Variants in CRHR2 observed in about 807,000 individuals in gnomAD.
The protein encoded by CRHR2 is corticotropin releasing hormone receptor 2.
Under a neutral mutation model 57.9 loss-of-function variants are expected in CRHR2, and 53 were observed. The observed-to-expected ratio is 0.92, with a 90% confidence interval of 0.73 to 1.15. CRHR2 has a LOEUF of 1.15. Ranked by LOEUF, CRHR2 falls within the 50% of genes most tolerant of loss-of-function variation. The pLI is 0.00. For missense variants in CRHR2, 532 were observed against 542.6 expected, an observed-to-expected ratio of 0.98 and a Z score of 0.19; for synonymous variants, 213 against 220.9, an observed-to-expected ratio of 0.96 and a Z score of 0.32.
chr7:30,669,272 T>C (rs1000313121), intron 2 of CRHR2, among the ~76,000 whole-genome samples: 4 of 152,054 alleles, frequency 2.6e-5, no homozygotes, highest in African/African-American at 9.7e-5. Flanking sequence ...ACTCTATAGC[T>C]CTCTCTCTCC....
In CRHR2 at chr7:30,665,405, C is replaced by T. The variant is rs571654115; in HGVS notation, c.425+125G>A. ...CATGCCCTGGCACCCCACCCAAACC[C>T]CACTTTCTCCACGGGCCCTTTTATC... On this transcript the variant is annotated intron_variant, in intron 4 of 11. Coordinates refer to ENST00000471646, the MANE Select transcript of CRHR2 (RefSeq NM_001883.5). This position sits in a 1 kb window ranked among gnomAD's most constrained non-coding sequence, Gnocchi z 4.5. The T allele has an allele frequency of 1.3e-5, 12 of 937,392 alleles. No individual in the cohort carries two copies. The East Asian group carries it at 3.2e-4, about 25-fold the overall frequency. The allele number at this position is 937,392 out of a possible 1,614,324, so 58.1% of individuals were successfully genotyped here.
chr7:30,686,290 C>A, upstream of CRHR2: 1 of 1,370,060 alleles, frequency 7.3e-7, no homozygotes, highest in Non-Finnish European at 9.4e-7. Flanking sequence ...CCCATGCCTC[C>A]CCAAGGGCAG....
rs949159774 is a variant in CRHR2, at chr7:30,682,301, G to T, written c.-21C>A. 2 of 1,545,380 alleles carry T rather than the reference G, an allele frequency of 1.3e-6. No homozygotes were observed. Among genetic ancestry groups the T allele is most frequent in the East Asian group, 2.5e-5 (1 of 39,600 alleles). Reference sequence around the variant, plus strand: ...TCCATCGCGTCCCGCAGCCGCGTGCGGAGAGGGAGTGGGAGTGCGCGCCCG... The same window carrying T: ...TCCATCGCGTCCCGCAGCCGCGTGCTGAGAGGGAGTGGGAGTGCGCGCCCG... On this transcript the variant is annotated 5_prime_UTR_variant, in exon 1 of 12. Coordinates refer to ENST00000471646, the MANE Select transcript of CRHR2 (RefSeq NM_001883.5).
chr7:30,658,017 G>A (rs1783855636), intron 8 of CRHR2, among the ~76,000 whole-genome samples: 1 of 152,154 alleles, frequency 6.6e-6, no homozygotes, highest in African/African-American at 2.4e-5. Flanking sequence ...CCAAGGCCTT[G>A]TCTCCATCCT....
intron 8 of CRHR2, among the ~76,000 whole-genome samples, chr7:30,659,999 T>C (rs1783935418): frequency 6.6e-6 from 1 of 152,258 alleles, no homozygotes; most frequent in African/African-American, 2.4e-5. Context: ...GAATGCAGCC[T>C]CTACTTGAAC....
chr7:30,662,708 A>AG lies in CRHR2; in HGVS notation c.682dup (p.Leu228ProfsTer23). 6.2e-7 allele frequency: 1 copy of AG among 1,613,920 alleles called. No homozygotes were observed. Among genetic ancestry groups the AG allele is most frequent in the Non-Finnish European group, 8.5e-7 (1 of 1,179,846 alleles). ...GGGACCCTCACACCATCCGATGAAG[A>AG]GGAAGAGGCACTTGCGCAGGCGCTC... On this transcript the variant is annotated frameshift_variant, in exon 6 of 12. Coordinates refer to ENST00000471646, the MANE Select transcript of CRHR2 (RefSeq NM_001883.5). LOFTEE classifies it high-confidence loss of function.
intron 1 of CRHR2, chr7:30,699,898 G>A (rs768779408): frequency 1.3e-5 from 19 of 1,445,376 alleles, no homozygotes; most frequent in Admixed American, 7.5e-5. Context: ...TGGGAGCTCC[G>A]TGCTCCTGGC....
At chr7:30,682,732 G>A, upstream of CRHR2, 1 of 162,386 alleles carries the variant, frequency 6.2e-6, no homozygotes, top group Non-Finnish European at 1.3e-5. Context: ...GAGCTGCAGG[G>A]GGCAGCAAAG....
chr7:30,679,171 C>T (rs372306534), intron 2 of CRHR2, among the ~76,000 whole-genome samples: 1 of 152,216 alleles, frequency 6.6e-6, no homozygotes, highest in African/African-American at 2.4e-5. Flanking sequence ...TAAAATCCAA[C>T]CTGTCCCCAG....
At chr7:30,686,317 C>T (rs2128149939), upstream of CRHR2, 1 of 1,428,388 alleles carries the variant, frequency 7.0e-7, no homozygotes, top group South Asian at 1.5e-5. Context: ...TCCTGGTTCA[C>T]TAACCCATCC....
Position 30,662,897 on chromosome 7 carries a change from G to T in CRHR2, c.544-50C>A, listed in dbSNP as rs1380963757. ...CAGGAGGCAGCTTGGGGCCCAGGTA[G>T]GACATACCCATCCCCAGGCAGGGCA... On this transcript the variant is annotated intron_variant, in intron 5 of 11. Coordinates refer to ENST00000471646, the MANE Select transcript of CRHR2 (RefSeq NM_001883.5). The T allele has an allele frequency of 2.5e-6, 4 of 1,591,700 alleles. No homozygotes were observed. In the South Asian group the frequency reaches 4.5e-5, roughly 18 times the overall value.
chr7:30,669,588 G>A (rs1284977449), intron 2 of CRHR2, among the ~76,000 whole-genome samples: 10 of 151,964 alleles, frequency 6.6e-5, no homozygotes, highest in Non-Finnish European at 1.2e-4. Context: ...TCTTTTTCCA[G>A]AGTCAACTCC....
At chr7:30,681,866 T>C in intron 2 of CRHR2, 49 bp downstream of exon 2, 3 of 1,575,718 alleles carry the variant, frequency 1.9e-6, no homozygotes, top group Non-Finnish European at 2.6e-6. Context: ...CTAAACCGCC[T>C]TCTCAGGAGG....
intron 1 of CRHR2, among the ~76,000 whole-genome samples, chr7:30,691,150 C>T (rs1037171523): frequency 6.6e-6 from 1 of 152,198 alleles, no homozygotes; most frequent in Non-Finnish European, 1.5e-5. Flanking sequence ...ATTCTCAGGC[C>T]ATACTTTTGG....
chr7:30,654,764 T>G (rs1783713091), intron 11 of CRHR2: 2 of 1,536,366 alleles, frequency 1.3e-6, no homozygotes, highest in Non-Finnish European at 1.7e-6. Context: ...CTGGCTTCTC[T>G]CTTCCATGAG....
rs1728749504 is a variant in CRHR2 at position 30,656,145 on chromosome 7, C to T, written c.832-133G>A. On this transcript the variant is annotated intron_variant, in intron 8 of 11. Transcript: ENST00000471646. This position sits in a 1 kb window ranked among gnomAD's most constrained non-coding sequence, Gnocchi z 4.4. ...CGCACACACCTATCCTACCTGTCCC[C>T]CTAGCACCTGCCAGCATCCCAAGGC... The T allele has an allele frequency of 1.4e-5, 11 of 771,702 alleles. No homozygotes were observed. The highest frequency in any genetic ancestry group is 3.6e-4 in the Middle Eastern group (1 of 2,806). 47.8% of individuals were successfully genotyped at this position (771,702 alleles called of 1,614,324 possible).
At chr7:30,688,680 A>C (rs1384548275) in intron 2 of CRHR2, 1 of 399,784 alleles carries the variant, frequency 2.5e-6, no homozygotes, top group Non-Finnish European at 5.0e-6. Context: ...CACTGGAGAC[A>C]TCTCTCTGGA....
At position 30,653,328 on chromosome 7, in the gene CRHR2, C is replaced by T; in HGVS notation, c.*132G>A. Reference sequence around the variant, plus strand: ...GTCCCCCTTGGCTGCCGCACCCCCTCTTTCCTGCCAGGCTGGAGAGCTGGT... The same window carrying T: ...GTCCCCCTTGGCTGCCGCACCCCCTTTTTCCTGCCAGGCTGGAGAGCTGGT... On this transcript the variant is annotated 3_prime_UTR_variant, in exon 12 of 12. Transcript: ENST00000471646. The surrounding 1 kb of genome is among the most constrained non-coding windows in gnomAD (Gnocchi z 5.0). 1.5e-6 allele frequency: 2 copies of T among 1,371,198 alleles called. No homozygotes were observed. Among genetic ancestry groups the T allele is most frequent in the Non-Finnish European group, 2.0e-6 (2 of 1,013,750 alleles). The allele number at this position is 1,371,198 out of a possible 1,614,324, so 84.9% of individuals were successfully genotyped here.
At position 30,689,264 on chromosome 7, in the gene CRHR2, C is replaced by T. The variant is rs190833539; in HGVS notation, c.-240G>A. 2,346 of 1,550,428 alleles carry T rather than the reference C, an allele frequency of 1.5e-3. 7 individuals carry two copies. The highest frequency in any genetic ancestry group is 1.8e-3 in the Non-Finnish European group (2,035 of 1,146,900). On this transcript the variant is annotated 5_prime_UTR_variant, in exon 2 of 14. Transcript: ENST00000341843. Reference sequence around the variant, plus strand: ...GTGCCCACAGGGGCTGGTCTTTGGGCATCTGGCTCTGCCCGGCTGCCTAGG... The same window carrying T: ...GTGCCCACAGGGGCTGGTCTTTGGGTATCTGGCTCTGCCCGGCTGCCTAGG...
Sources: gnomAD v4.1 joint callset for allele counts (sites outside exome capture counted in the v4.1 genomes callset) on GRCh38, gnomAD v4.1.1 for gene constraint, Gnocchi (gnomAD v3.1) non-coding constraint, MANE v1.5 for transcripts, NCBI Gene and HGNC (gene_info 2026-07-23, HGNC 2026-07-21) for gene names.